Variants in TMEM116 observed in about 807,000 individuals in gnomAD.
The protein encoded by TMEM116 is transmembrane protein 116.
A neutral mutation model predicts 44.3 loss-of-function variants in TMEM116; 38 were observed. That is an observed-to-expected ratio of 0.86 (90% CI 0.66 to 1.12). The LOEUF (loss-of-function observed/expected upper bound fraction) is 1.12. Among genes scored for constraint, TMEM116 ranks in the 50% most tolerant of loss-of-function variants. The probability of loss-of-function intolerance (pLI) is 0.00; values close to 1 mark genes in which losing one functional copy is unlikely to be tolerated. For missense variants in TMEM116, 354 were observed against 401.7 expected, an observed-to-expected ratio of 0.88 and a Z score of 1.01; for synonymous variants, 132 against 144.8, an observed-to-expected ratio of 0.91 and a Z score of 0.64.
intron 1 of TMEM116, among the ~76,000 whole-genome samples, chr12:112,008,477 CT>C (rs1451842631): frequency 1.3e-5 from 2 of 148,908 alleles, no homozygotes; most frequent in East Asian, 4.0e-4. Flanking sequence ...AAGACTCCAC[CT>C]CAAAAAAAAA....
At chr12:111,966,132 C>A (rs2074966031) in intron 4 of TMEM116, among the ~76,000 whole-genome samples, 1 of 151,960 alleles carries the variant, frequency 6.6e-6, no homozygotes. Flanking sequence ...GTGGCAAAAC[C>A]CTATCTCCAC....
intron 1 of TMEM116, chr12:112,012,289 CTTTT>C: frequency 6.6e-6 from 1 of 151,650 alleles, no homozygotes; most frequent in African/African-American, 2.4e-5. Flanking sequence ...AAAATACGGT[CTTTT>C]TTTTTCTTTT....
At chr12:111,940,377 T>C (rs1352158414) in intron 5 of TMEM116, among the ~76,000 whole-genome samples, 1 of 149,494 alleles carries the variant, frequency 6.7e-6, no homozygotes, top group Non-Finnish European at 1.5e-5. Context: ...CTTTTTATTT[T>C]TTTGAGACAG....
At chr12:111,974,031 A>G (rs1017931784) in intron 4 of TMEM116, among the ~76,000 whole-genome samples, 1 of 152,192 alleles carries the variant, frequency 6.6e-6, no homozygotes, top group Admixed American at 6.5e-5. Flanking sequence ...AAAGTAAATC[A>G]ATTTAAATCA....
chr12:111,973,128 ACT>A (rs920088172), intron 4 of TMEM116, among the ~76,000 whole-genome samples: 10 of 152,176 alleles, frequency 6.6e-5, no homozygotes, highest in Admixed American at 4.6e-4. Flanking sequence ...ATAGGGTGGG[ACT>A]CTGTCTCAAA....
chr12:112,004,649 T>C (rs1565973914), intron 2 of TMEM116, among the ~76,000 whole-genome samples: 1 of 149,946 alleles, frequency 6.7e-6, no homozygotes. Context: ...CCAGAGGCCA[T>C]GCCAATCTTT....
In TMEM116 at chr12:111,937,218, G is replaced by A; in HGVS notation, c.391C>T (p.Pro131Ser). The change falls in exon 7 of 11, where the codon CCT becomes TCT. Residue 131 changes from proline to serine, a missense_variant. By Grantham distance (74) the Pro-to-Ser change is moderately conservative (BLOSUM62 -1). Coordinates refer to ENST00000552374, the MANE Select transcript of TMEM116 (RefSeq NM_001193531.2). ...CTAGTATTTCCCAGACAGAATACAG[G>A]TGTCATCAATAGCAGAGGTATCAGG... ...SSLIPLLLMT[P>S]VFCLGNTSEC... The A allele has an allele frequency of 6.2e-7, 1 of 1,613,860 alleles. No homozygotes were observed. The highest frequency in any genetic ancestry group is 8.5e-7 in the Non-Finnish European group (1 of 1,179,836).
At chr12:111,958,277 T>TAACAA (rs1491480651) in intron 4 of TMEM116, among the ~76,000 whole-genome samples, 1 of 27,494 alleles carries the variant, frequency 3.6e-5, no homozygotes, top group African/African-American at 1.3e-4. Context: ...CAATAAATAC[T>TAACAA]AAAAAAAAAA....
intron 4 of TMEM116, among the ~76,000 whole-genome samples, chr12:111,984,654 T>C (rs1240040369): frequency 1.3e-5 from 2 of 152,028 alleles, no homozygotes; most frequent in African/African-American, 4.8e-5. Flanking sequence ...GAACAATAAC[T>C]TAATTGTACA....
chr12:111,938,083 A>ACGTGC (rs2072317364), intron 6 of TMEM116, 78 bp downstream of exon 6: 1 of 895,642 alleles, frequency 1.1e-6, no homozygotes, highest in South Asian at 1.9e-5. Flanking sequence ...AATAAAGGGC[A>ACGTGC]CTGTCCTATT....
intron 4 of TMEM116, chr12:111,978,847 G>A: frequency 2.5e-6 from 1 of 399,812 alleles, no homozygotes; most frequent in South Asian, 1.8e-5. Context: ...TGTTATAGCT[G>A]CCTGAACTAA....
At chr12:111,966,347 A>T (rs540093085) in intron 4 of TMEM116, among the ~76,000 whole-genome samples, 1 of 152,274 alleles carries the variant, frequency 6.6e-6, no homozygotes, top group South Asian at 2.1e-4. Context: ...TACCAGACTT[A>T]AGGTGATCTC....
chr12:111,984,562 C>T (rs1204368436), intron 4 of TMEM116, among the ~76,000 whole-genome samples: 1 of 151,908 alleles, frequency 6.6e-6, no homozygotes, highest in African/African-American at 2.4e-5. Flanking sequence ...CTATAGTCAA[C>T]AATAACTTAA....
In TMEM116 at chr12:111,931,558, A is replaced by G. The variant is rs112564343; in HGVS notation, c.*63T>C. 3.3e-6 allele frequency: 5 copies of G among 1,513,720 alleles called. No homozygotes were observed. Among genetic ancestry groups the G allele is most frequent in the Non-Finnish European group, 3.7e-6 (4 of 1,092,642 alleles). The allele number at this position is 1,513,720 out of a possible 1,614,324, so 93.8% of individuals were successfully genotyped here. Reference sequence around the variant, plus strand: ...AAAAGATTTAAGATGTCCTTTCCCAACATTCTTTCCAATCCATTAGCGTAG... The same window carrying G: ...AAAAGATTTAAGATGTCCTTTCCCAGCATTCTTTCCAATCCATTAGCGTAG... On this transcript the variant is annotated 3_prime_UTR_variant, in exon 11 of 11. Coordinates refer to ENST00000552374, the MANE Select transcript of TMEM116 (RefSeq NM_001193531.2).
intron 4 of TMEM116, among the ~76,000 whole-genome samples, chr12:111,990,356 T>G (rs1244382682): frequency 6.6e-6 from 1 of 152,084 alleles, no homozygotes; most frequent in Non-Finnish European, 1.5e-5. Flanking sequence ...TTCAGAAAGA[T>G]TAGGTACTGG....
At chr12:112,008,651 C>A (rs1297126612) in intron 1 of TMEM116, among the ~76,000 whole-genome samples, 2 of 151,926 alleles carry the variant, frequency 1.3e-5, no homozygotes, top group Non-Finnish European at 2.9e-5. Flanking sequence ...TTTTATTTAA[C>A]CAAAAAGTTT....
chr12:111,974,421 T>A (rs932872400), intron 4 of TMEM116, among the ~76,000 whole-genome samples: 1 of 151,822 alleles, frequency 6.6e-6, no homozygotes, highest in Non-Finnish European at 1.5e-5. Flanking sequence ...GGTGGGCGGA[T>A]CATTTGAGGT....
chr12:111,942,551 C>T (rs1362511883), intron 5 of TMEM116, among the ~76,000 whole-genome samples: 6 of 151,606 alleles, frequency 4.0e-5, no homozygotes, highest in Admixed American at 3.3e-4. Flanking sequence ...AGATTATAGG[C>T]ATAAGCCACT....
At chr12:111,968,992 CAAAAAAAAAAA>C (rs1176204219) in intron 4 of TMEM116, among the ~76,000 whole-genome samples, 2 of 45,166 alleles carry the variant, frequency 4.4e-5, no homozygotes, top group Non-Finnish European at 9.0e-5. Flanking sequence ...GACTCTATCT[CAAAAAAAAAAA>C]AAAAAAAAAA....
Sources: allele counts gnomAD v4.1 joint callset (sites outside exome capture counted in the v4.1 genomes callset), GRCh38; gene constraint gnomAD v4.1.1; transcripts MANE v1.5; gene names NCBI Gene and HGNC (gene_info 2026-07-23, HGNC 2026-07-21).